Variants in CDH13 observed in about 807,000 individuals in gnomAD.
The protein encoded by CDH13 is cadherin 13, also known as cadherin-13.
A neutral mutation model predicts 63.8 loss-of-function variants in CDH13; 24 were observed. The ratio of observed to expected loss-of-function variants is 0.38; its 90% confidence interval spans 0.27 to 0.53. The LOEUF (loss-of-function observed/expected upper bound fraction) is 0.53, where lower values mean the gene tolerates loss of function less well. Among genes scored for constraint, CDH13 ranks in the 20% least tolerant of loss-of-function variants. The probability of loss-of-function intolerance (pLI) is 0.85; values close to 1 mark genes in which losing one functional copy is unlikely to be tolerated. For missense variants in CDH13, 1,049 were observed against 903.1 expected, an observed-to-expected ratio of 1.16 and a Z score of -2.07; for synonymous variants, 503 against 355.3, an observed-to-expected ratio of 1.42 and a Z score of -4.67.
At chr16:83,006,924 G>GTTT (rs1286586839) in intron 2 of CDH13, among the ~76,000 whole-genome samples, 2,007 of 127,642 alleles carry the variant, frequency 0.016, 45 homozygotes, top group African/African-American at 0.028. Flanking sequence ...TTGTTTGTTT[G>GTTT]TTTGTTTGTT....
chr16:83,384,656 G>C (rs993754769), intron 6 of CDH13, among the ~76,000 whole-genome samples: 3 of 152,222 alleles, frequency 2.0e-5, no homozygotes, highest in African/African-American at 7.2e-5. Context: ...TGGGATCCGA[G>C]GGTATGGAGA....
At chr16:83,644,056 G>A (rs933271544) in intron 8 of CDH13, among the ~76,000 whole-genome samples, 3 of 152,162 alleles carry the variant, frequency 2.0e-5, no homozygotes, top group Admixed American at 6.5e-5. Flanking sequence ...ATCAGCCCCC[G>A]CCAGCTCCAA....
chr16:83,438,426 T>C (rs1233996195), intron 6 of CDH13, among the ~76,000 whole-genome samples: 4 of 152,204 alleles, frequency 2.6e-5, no homozygotes, highest in Non-Finnish European at 5.9e-5. Flanking sequence ...AAGGAATACA[T>C]TTGAGATGGC....
chr16:82,918,171 A>G (rs2042050326), intron 2 of CDH13, among the ~76,000 whole-genome samples: 1 of 152,216 alleles, frequency 6.6e-6, no homozygotes, highest in Non-Finnish European at 1.5e-5. Flanking sequence ...GTGGTCAAAG[A>G]AAATAATCAT....
intron 3 of CDH13, among the ~76,000 whole-genome samples, chr16:83,049,243 C>T (rs574937967): frequency 6.6e-6 from 1 of 151,812 alleles, no homozygotes; most frequent in South Asian, 2.1e-4. Context: ...CTCCCTTCCC[C>T]AGCTCCTGGC....
chr16:82,901,008 A>G (rs535440148), intron 2 of CDH13, among the ~76,000 whole-genome samples: 57 of 152,144 alleles, frequency 3.7e-4, no homozygotes, highest in African/African-American at 1.3e-3. Context: ...GGAAGTTTCT[A>G]GGTTCTTGGA....
At chr16:82,845,664 T>C (rs1360650020) in intron 1 of CDH13, among the ~76,000 whole-genome samples, 1 of 152,220 alleles carries the variant, frequency 6.6e-6, no homozygotes, top group African/African-American at 2.4e-5. Context: ...TTGAACTCCC[T>C]GAGGCTACTA....
chr16:82,888,231 G>A (rs1051337284), intron 2 of CDH13, among the ~76,000 whole-genome samples: 3 of 152,134 alleles, frequency 2.0e-5, no homozygotes, highest in Admixed American at 6.5e-5. Context: ...TCAGACGGGC[G>A]CTCCCATTGC....
intron 2 of CDH13, among the ~76,000 whole-genome samples, chr16:82,905,461 G>GTA (rs1399462386): frequency 1.6e-4 from 24 of 148,578 alleles, no homozygotes; most frequent in African/African-American, 5.9e-4. Flanking sequence ...GTGTGTGTGT[G>GTA]TGTGTGTAAG....
chr16:83,626,437 G>A (rs971520740), intron 8 of CDH13, among the ~76,000 whole-genome samples: 8 of 152,158 alleles, frequency 5.3e-5, no homozygotes, highest in East Asian at 1.9e-4. Context: ...TTCTGCAGGC[G>A]TTAATGAAGC....
At chr16:82,810,029 C>G (rs941570761) in intron 1 of CDH13, among the ~76,000 whole-genome samples, 1 of 152,298 alleles carries the variant, frequency 6.6e-6, no homozygotes, top group East Asian at 1.9e-4. Context: ...CTGCCATCGC[C>G]CGGTGCCTTA....
intron 3 of CDH13, among the ~76,000 whole-genome samples, chr16:83,119,292 T>A (rs1046992160): frequency 6.6e-6 from 1 of 152,208 alleles, no homozygotes; most frequent in African/African-American, 2.4e-5. Flanking sequence ...TAATCTGGGT[T>A]GTGCCATTGT....
At chr16:83,595,139 C>G (rs941982340) in intron 7 of CDH13, among the ~76,000 whole-genome samples, 3 of 152,162 alleles carry the variant, frequency 2.0e-5, no homozygotes, top group Non-Finnish European at 2.9e-5. Flanking sequence ...TCAGAGGAGC[C>G]AATTTAAGTT....
chr16:83,200,887 A>G (rs918090957), intron 4 of CDH13, among the ~76,000 whole-genome samples: 8 of 147,426 alleles, frequency 5.4e-5, no homozygotes, highest in South Asian at 2.1e-4. Context: ...TGAGCCTGTT[A>G]ATTTTCAGGG....
intron 7 of CDH13, among the ~76,000 whole-genome samples, chr16:83,530,912 T>A (rs2075070414): frequency 6.6e-6 from 1 of 152,332 alleles, no homozygotes; most frequent in Admixed American, 6.5e-5. Flanking sequence ...TCACACAGAC[T>A]GGATTCAAAT....
At chr16:82,705,373 A>T (rs552679333) in intron 1 of CDH13, 156 of 304,160 alleles carry the variant, frequency 5.1e-4, no homozygotes, top group Middle Eastern at 8.8e-4. Context: ...CAATACGCTA[A>T]TACAGTGTCT....
chr16:83,439,848 A>C (rs575704379), intron 6 of CDH13, among the ~76,000 whole-genome samples: 1 of 152,330 alleles, frequency 6.6e-6, no homozygotes, highest in African/African-American at 2.4e-5. Context: ...TCATATATTT[A>C]GTGAGTAGAG....
intron 2 of CDH13, among the ~76,000 whole-genome samples, chr16:82,886,960 T>C (rs147929775): frequency 2.0e-5 from 3 of 152,208 alleles, no homozygotes; most frequent in Non-Finnish European, 4.4e-5. Context: ...GCCTTCTATG[T>C]CTTTTCTTGA....
intron 5 of CDH13, among the ~76,000 whole-genome samples, chr16:83,313,977 G>A (rs1372364591): frequency 2.6e-5 from 4 of 152,152 alleles, no homozygotes; most frequent in Non-Finnish European, 5.9e-5. Context: ...ATGATGGAAT[G>A]TATTTTCCAG....
Sources: allele counts gnomAD v4.1 joint callset (sites outside exome capture counted in the v4.1 genomes callset), GRCh38; gene constraint gnomAD v4.1.1; transcripts MANE v1.5; gene names NCBI Gene and HGNC (gene_info 2026-07-23, HGNC 2026-07-21).